The following CC2D2B variants were observed in gnomAD, a reference collection of about 807,000 sequenced individuals.
CC2D2B encodes the protein protein CC2D2B.
A neutral mutation model predicts 161.2 loss-of-function variants in CC2D2B; 128 were observed. The observed-to-expected ratio is 0.79, with a 90% CI of 0.69 to 0.92. CC2D2B has a LOEUF of 0.92. Among genes scored for constraint, CC2D2B ranks in the 40% least tolerant of loss-of-function variants. CC2D2B has a pLI of 0.00. For missense variants in CC2D2B, 1,173 were observed against 1,375.1 expected (o/e 0.85, Z 2.32); for synonymous variants, 391 against 449.8 (o/e 0.87, Z 1.65).
In CC2D2B at chr10:95,927,218, A is replaced by G; in HGVS notation, c.241-19A>G. Reference sequence around the variant, plus strand: ...CAGAAAAAGTGTTTATTTCAACACTAAATACTGGTTTATCATAGTTGTCTC... The same window carrying G: ...CAGAAAAAGTGTTTATTTCAACACTGAATACTGGTTTATCATAGTTGTCTC... On this transcript the variant is annotated intron_variant, in intron 5 of 34. Coordinates refer to ENST00000646931, the MANE Select transcript of CC2D2B (RefSeq NM_001349008.3). 7.1e-7 allele frequency: 1 copy of G among 1,408,294 alleles called. No individual in the cohort carries two copies. The highest frequency in any genetic ancestry group is 9.8e-7 in the Non-Finnish European group (1 of 1,020,108). 87.2% of individuals were successfully genotyped at this position (1,408,294 alleles called of 1,614,324 possible).
intron 9 of CC2D2B, among the ~76,000 whole-genome samples, chr10:95,946,962 G>T (rs777016285): frequency 4.6e-5 from 7 of 150,918 alleles, no homozygotes; most frequent in Non-Finnish European, 7.4e-5. Context: ...AGGCATTGAT[G>T]AATCAGGCTG....
chr10:95,991,198 ATTACT>A (rs1420948114), intron 20 of CC2D2B, among the ~76,000 whole-genome samples, 167 bp from the exon 21 acceptor site: 1 of 152,238 alleles, frequency 6.6e-6, no homozygotes, highest in South Asian at 2.1e-4. Context: ...AAAGTTGGAA[ATTACT>A]TTAATAATGG....
chr10:95,941,000 G>T (rs1050211642), intron 9 of CC2D2B, among the ~76,000 whole-genome samples: 4 of 152,094 alleles, frequency 2.6e-5, no homozygotes, highest in Admixed American at 6.6e-5. Flanking sequence ...CAGATATATG[G>T]ACCAATGGAA....
intron 25 of CC2D2B, among the ~76,000 whole-genome samples, chr10:96,007,266 G>C (rs765144674): frequency 6.6e-6 from 1 of 152,252 alleles, no homozygotes; most frequent in Middle Eastern, 3.4e-3. Context: ...TTATAAGTGA[G>C]AGCATGTGGT....
intron 2 of CC2D2B, chr10:95,913,469 T>C (rs1375484781): frequency 7.4e-6 from 3 of 407,484 alleles, no homozygotes; most frequent in East Asian, 8.4e-5. Flanking sequence ...TTTCTTTCCT[T>C]TGAGTATATA....
chr10:95,938,985 T>C (rs1360638402), intron 9 of CC2D2B, 60 bp downstream of exon 9: 1 of 630,812 alleles, frequency 1.6e-6, no homozygotes, highest in Non-Finnish European at 2.9e-6. Context: ...CAATTATCGC[T>C]GGTGGTTTTG....
rs2079346313 is a variant in CC2D2B at position 96,019,212 on chromosome 10, G to A, written c.3640G>A (p.Ala1214Thr). The change falls in exon 31 of 35, where the codon GCT becomes ACT. Residue 1214 changes from alanine (A) to threonine (T), a missense_variant. Transcript: ENST00000646931. ...CTTTTTTCTCATACAGGGGCATGTG[G>A]CTTATGTAGTAACTCAAGAAACTAA... ...LGTSVLEGHV[A>T]YVVTQETNEY... 2.5e-6 allele frequency: 4 copies of A among 1,601,114 alleles called. No individual in the cohort carries two copies. Among genetic ancestry groups the A allele is most frequent in the African/African-American group, 2.7e-5 (2 of 74,212 alleles).
intron 1 of CC2D2B, among the ~76,000 whole-genome samples, chr10:95,910,950 A>G (rs1191901647): frequency 6.6e-6 from 1 of 152,096 alleles, no homozygotes; most frequent in East Asian, 1.9e-4. Flanking sequence ...TTTTACATAT[A>G]TTCTCTTGTA....
rs1167415889 is a variant in CC2D2B at position 95,938,591 on chromosome 10, A to G, written c.558A>G (p.Pro186=). The change falls in exon 8 of 35, where the codon CCA becomes CCG. Residue 186 remains proline, a synonymous_variant. Transcript: ENST00000646931. ...SSPVVNQRKL[P]KDMMPRILED... ...AAGTGGTTAACCAGCGCAAACTGCC[A>G]AAAGATATGATGCCACGTATTCTAG... 1.4e-6 allele frequency: 1 copy of G among 703,714 alleles called. No homozygotes were observed. The highest frequency in any genetic ancestry group is 1.8e-5 in the African/African-American group (1 of 56,280). The allele number at this position is 703,714 out of a possible 1,614,324, so 43.6% of individuals were successfully genotyped here.
intron 2 of CC2D2B, among the ~76,000 whole-genome samples, chr10:95,916,193 T>C (rs2098516047): frequency 6.6e-6 from 1 of 152,076 alleles, no homozygotes; most frequent in South Asian, 2.1e-4. Flanking sequence ...GCATATAATT[T>C]CTCATAGTAG....
intron 32 of CC2D2B, among the ~76,000 whole-genome samples, chr10:96,024,213 A>G (rs1479165051): frequency 6.6e-6 from 1 of 152,066 alleles, no homozygotes; most frequent in Non-Finnish European, 1.5e-5. Context: ...GCTTGGAGAC[A>G]GGGGAGGTTG....
intron 34 of CC2D2B, among the ~76,000 whole-genome samples, chr10:96,029,282 ATATGTATATATATATATATAT>A (rs2079948286): frequency 1.9e-5 from 1 of 53,270 alleles, no homozygotes; most frequent in South Asian, 5.8e-4. Flanking sequence ...ATATATATAT[ATATGTATATATATATATATAT>A]ATGTATATCT....
chr10:95,972,454 C>T (rs774178332), intron 16 of CC2D2B, among the ~76,000 whole-genome samples: 30 of 152,246 alleles, frequency 2.0e-4, no homozygotes, highest in Non-Finnish European at 2.9e-4. Context: ...GCTGGGATTA[C>T]AGATCCCTGC....
chr10:95,931,274 CTT>C (rs2098549598), intron 6 of CC2D2B, among the ~76,000 whole-genome samples: 1 of 152,254 alleles, frequency 6.6e-6, no homozygotes, highest in African/African-American at 2.4e-5. Context: ...ATTCTCCTCT[CTT>C]TTCTTCTTTA....
intron 15 of CC2D2B, 55 bp downstream of exon 15, chr10:95,968,956 AT>A: frequency 1.0e-6 from 1 of 975,500 alleles, no homozygotes; most frequent in East Asian, 3.3e-5. Context: ...ATAATTTAAA[AT>A]TTTTTGTTAG....
intron 11 of CC2D2B, among the ~76,000 whole-genome samples, chr10:95,960,557 G>A (rs1316896404): frequency 6.6e-6 from 1 of 152,026 alleles, no homozygotes; most frequent in African/African-American, 2.4e-5. Flanking sequence ...CTGTTGCCTG[G>A]CCTGGAGCTC....
At chr10:96,023,017 A>C (rs2079539082) in intron 32 of CC2D2B, among the ~76,000 whole-genome samples, 1 of 152,182 alleles carries the variant, frequency 6.6e-6, no homozygotes, top group African/African-American at 2.4e-5. Context: ...TGACAAGGAG[A>C]TATCTGTCCA....
intron 22 of CC2D2B, among the ~76,000 whole-genome samples, chr10:95,993,851 T>G (rs12765759): frequency 0.2 from 19,714 of 97,442 alleles, 1,956 homozygotes; most frequent in South Asian, 0.33. Flanking sequence ...TATATATATA[T>G]AGAGAGAGAG....
intron 34 of CC2D2B, among the ~76,000 whole-genome samples, chr10:96,030,053 T>A (rs1469412229): frequency 6.6e-6 from 1 of 152,158 alleles, no homozygotes. Flanking sequence ...GCTCAAATGA[T>A]CCTCCAGCCT....
Sources: allele counts gnomAD v4.1 joint callset (sites outside exome capture counted in the v4.1 genomes callset), GRCh38; gene constraint gnomAD v4.1.1; transcripts MANE v1.5; gene names NCBI Gene and HGNC (gene_info 2026-07-23, HGNC 2026-07-21).